Variants in PACRG observed in about 807,000 individuals in gnomAD.
PACRG encodes the protein parkin coregulated, also known as parkin coregulated gene protein.
Under a neutral mutation model 29.7 loss-of-function variants are expected in PACRG, and 29 were observed. That is an observed-to-expected ratio of 0.98 (90% confidence interval 0.73 to 1.33). PACRG has a LOEUF of 1.33. Ranked by LOEUF, PACRG falls within the 40% of genes most tolerant of loss-of-function variation. The probability of loss-of-function intolerance (pLI) is 0.00; values close to 1 mark genes in which losing one functional copy is unlikely to be tolerated. For missense variants in PACRG, 279 were observed against 316.2 expected, an observed-to-expected ratio of 0.88 and a Z score of 0.89; for synonymous variants, 116 against 118.7, an observed-to-expected ratio of 0.98 and a Z score of 0.15.
chr6:163,191,397 C>T lies in PACRG; in HGVS notation c.613+101989C>T, dbSNP rs377752707. ...TCTTCCCTTTCTCTGACCCCCACAC[C>T]TTTATGGCGAGTGGCCCCCCAACGC... is the stretch of plus-strand genomic sequence containing the variant. On this transcript the variant is annotated intron_variant, in intron 4 of 4. Transcript: ENST00000366888. Among the ~76,000 whole-genome samples the T allele has an allele frequency of 3.3e-4, 50 of 152,238 alleles. No homozygotes were observed. The South Asian group carries it at 4.8e-3, about 14-fold the overall frequency.
At chr6:163,212,898 C>T (rs1395535141) in intron 4 of PACRG, among the ~76,000 whole-genome samples, 1 of 152,064 alleles carries the variant, frequency 6.6e-6, no homozygotes, top group East Asian at 1.9e-4. Context: ...CCTGCCTCAG[C>T]CTCCCGAGTA....
rs150495087 is a variant in PACRG, at chr6:162,776,343, T to A, written c.157-37804T>A. 6.6e-4 allele frequency among the ~76,000 whole-genome samples: 100 copies of A among 152,344 alleles called. No homozygotes were observed. The East Asian group carries it at 9.8e-3, about 15-fold the overall frequency. On this transcript the variant is annotated intron_variant, in intron 1 of 4. Transcript: ENST00000366888. ...GCCACATCTTCGACTCCCATCTGCC[T>A]GTCCTCATTCAGGTCACACAAGCCC...
intron 4 of PACRG, among the ~76,000 whole-genome samples, chr6:163,309,542 G>A (rs1382509951): frequency 6.6e-6 from 1 of 152,206 alleles, no homozygotes; most frequent in Non-Finnish European, 1.5e-5. Flanking sequence ...TAAAATTCAA[G>A]CTTCCGAAAG....
At chr6:162,738,693 C>T (rs1340234563) in intron 1 of PACRG, among the ~76,000 whole-genome samples, 1 of 152,116 alleles carries the variant, frequency 6.6e-6, no homozygotes. Context: ...AATATTTTAA[C>T]TGTGGTAGTT....
At position 162,972,760 on chromosome 6, in the gene PACRG, G is replaced by A. The variant is rs527949548; in HGVS notation, c.292-89390G>A. Among the ~76,000 whole-genome samples, 136 of 152,234 alleles carry A rather than the reference G, an allele frequency of 8.9e-4. No individual in the cohort carries two copies. In the South Asian group the frequency reaches 9.7e-3, roughly 11 times the overall value. Reference sequence around the variant, plus strand: ...AATGGATTTTAGACTGTGATCATACGGAGGGCTGAAGAATTGTCTGCTCTA... The same window carrying A: ...AATGGATTTTAGACTGTGATCATACAGAGGGCTGAAGAATTGTCTGCTCTA... On this transcript the variant is annotated intron_variant, in intron 2 of 4. Transcript: ENST00000366888.
intron 2 of PACRG, among the ~76,000 whole-genome samples, chr6:162,947,628 A>AATCATATATATATATATATAAT (rs1562767626): frequency 1.5e-5 from 1 of 66,864 alleles, no homozygotes; most frequent in African/African-American, 6.0e-5. Flanking sequence ...ATATATATAT[A>AATCATATATATATATATATAAT]TATATATATA....
intron 4 of PACRG, among the ~76,000 whole-genome samples, chr6:163,241,358 G>A (rs1401123400): frequency 6.6e-6 from 1 of 152,088 alleles, no homozygotes; most frequent in Non-Finnish European, 1.5e-5. Flanking sequence ...AAGCAGAAAG[G>A]ATGGCAGGTT....
At chr6:163,158,512 G>C (rs890477563) in intron 4 of PACRG, among the ~76,000 whole-genome samples, 7 of 152,184 alleles carry the variant, frequency 4.6e-5, no homozygotes, top group African/African-American at 1.7e-4. Context: ...TAGGGAACGT[G>C]AATTACAGTA....
At chr6:163,111,212 T>C (rs1815695685) in intron 4 of PACRG, among the ~76,000 whole-genome samples, 1 of 152,172 alleles carries the variant, frequency 6.6e-6, no homozygotes, top group Non-Finnish European at 1.5e-5. Context: ...CCTCCCACAC[T>C]GTAGTTAATC....
chr6:162,781,257 C>G (rs1784071772), intron 1 of PACRG, among the ~76,000 whole-genome samples: 2 of 152,002 alleles, frequency 1.3e-5, no homozygotes, highest in Admixed American at 1.3e-4. Context: ...AATTATGAAC[C>G]TATAATTCTT....
intron 4 of PACRG, chr6:163,182,977 T>G (rs867827937): frequency 6.6e-6 from 1 of 152,190 alleles, no homozygotes; most frequent in Non-Finnish European, 1.5e-5. Flanking sequence ...AAACATTTCT[T>G]GAAGAATGGA....
chr6:163,240,360 A>C (rs1270047210), intron 4 of PACRG, among the ~76,000 whole-genome samples: 1 of 152,220 alleles, frequency 6.6e-6, no homozygotes, highest in Non-Finnish European at 1.5e-5. Flanking sequence ...TTTTGTTTAA[A>C]GATTTAGGGA....
intron 1 of PACRG, among the ~76,000 whole-genome samples, chr6:162,773,505 T>C (rs1043069587): frequency 3.9e-5 from 4 of 101,936 alleles, no homozygotes; most frequent in South Asian, 4.9e-4. Context: ...TTTTTTTTTT[T>C]TTTTTTTTTT....
rs1491156729 is a variant in PACRG, at chr6:162,947,349, A to ATATGATATATATCATATATGAT, written c.292-114801_292-114800insTATGATATATATCATATATGAT. ...ACATATAATCATATATATAATGATT[A>ATATGATATATATCATATATGAT]CATATATATAATGTAATCATATATA... On this transcript the variant is annotated intron_variant, in intron 2 of 4. Transcript: ENST00000366888. Among the ~76,000 whole-genome samples, 3 of 41,774 alleles carry ATATGATATATATCATATATGAT rather than the reference A, an allele frequency of 7.2e-5. 1 individual carries two copies. The highest frequency in any genetic ancestry group is 3.2e-4 in the African/African-American group (3 of 9,480). 27.4% of individuals were successfully genotyped at this position (41,774 alleles called of 152,430 possible). A position where few individuals can be genotyped will look rare whatever the true frequency, so the allele number is the denominator to read the frequency against.
chr6:162,930,935 A>G (rs1392740426), intron 2 of PACRG, among the ~76,000 whole-genome samples: 2 of 151,754 alleles, frequency 1.3e-5, no homozygotes, highest in African/African-American at 2.4e-5. Flanking sequence ...CCACTTGATC[A>G]TGGTGTATTA....
intron 2 of PACRG, among the ~76,000 whole-genome samples, chr6:162,823,671 C>T (rs1788033399): frequency 1.3e-5 from 2 of 152,110 alleles, no homozygotes; most frequent in Admixed American, 6.5e-5. Context: ...GCCACCACAC[C>T]CGGCTAATTT....
chr6:163,070,996 A>G (rs1585142712), intron 3 of PACRG, among the ~76,000 whole-genome samples: 1 of 152,112 alleles, frequency 6.6e-6, no homozygotes, highest in Non-Finnish European at 1.5e-5. Context: ...AGAGGATATA[A>G]CAGTTGTAAA....
chr6:163,037,123 G>C (rs565864787), intron 2 of PACRG, among the ~76,000 whole-genome samples: 50 of 152,312 alleles, frequency 3.3e-4, no homozygotes, highest in African/African-American at 1.2e-3. Context: ...ATCCGTAACT[G>C]TTCTCTTCTT....
At chr6:162,866,692 A>G (rs1792325008) in intron 2 of PACRG, among the ~76,000 whole-genome samples, 2 of 152,242 alleles carry the variant, frequency 1.3e-5, no homozygotes, top group African/African-American at 4.8e-5. Flanking sequence ...TCCTACTTCC[A>G]AAACAGTTTG....
Sources: allele counts gnomAD v4.1 joint callset (sites outside exome capture counted in the v4.1 genomes callset), GRCh38; gene constraint gnomAD v4.1.1; transcripts MANE v1.5; gene names NCBI Gene and HGNC (gene_info 2026-07-23, HGNC 2026-07-21).